PKD2L2: variants seen among roughly 807,000 people sequenced by gnomAD.
The protein encoded by PKD2L2 is polycystin 2 like 2, transient receptor potential cation channel, also known as polycystin-2-like protein 2.
In PKD2L2, 67 loss-of-function variants were observed where a neutral mutation model predicts 83.9. The observed-to-expected ratio is 0.80, with a 90% CI of 0.66 to 0.98. The LOEUF is 0.98. Among genes scored for constraint, PKD2L2 ranks in the 50% least tolerant of loss-of-function variants. The pLI, the probability that PKD2L2 is intolerant of heterozygous loss-of-function variation, is 0.00. For missense variants in PKD2L2, 632 were observed against 717.2 expected, an observed-to-expected ratio of 0.88 and a Z score of 1.36; for synonymous variants, 223 against 237.8, an observed-to-expected ratio of 0.94 and a Z score of 0.57.
intron 14 of PKD2L2, among the ~76,000 whole-genome samples, chr5:137,941,783 T>G (rs1380006499): frequency 6.6e-6 from 1 of 152,216 alleles, no homozygotes; most frequent in African/African-American, 2.4e-5. Flanking sequence ...TTCCTGGCCA[T>G]TAAAAGCAGG....
At chr5:137,922,681 T>C (rs748128839) in intron 9 of PKD2L2, among the ~76,000 whole-genome samples, 3 of 151,988 alleles carry the variant, frequency 2.0e-5, no homozygotes, top group Non-Finnish European at 4.4e-5. Context: ...GAAGCTGCAA[T>C]GAGCTGAGAT....
chr5:137,937,696 A>G (rs1173607868), intron 14 of PKD2L2, among the ~76,000 whole-genome samples: 1 of 152,208 alleles, frequency 6.6e-6, no homozygotes, highest in African/African-American at 2.4e-5. Flanking sequence ...AGTGTTCTTA[A>G]TAGGATAATT....
chr5:137,903,783 A>G (rs986486417), intron 5 of PKD2L2, among the ~76,000 whole-genome samples: 1 of 152,010 alleles, frequency 6.6e-6, no homozygotes, highest in African/African-American at 2.4e-5. Flanking sequence ...TTTGAGATGG[A>G]GTCTAGCTTG....
intron 12 of PKD2L2, among the ~76,000 whole-genome samples, chr5:137,926,200 G>A (rs1759364915): frequency 6.6e-6 from 1 of 152,166 alleles, no homozygotes; most frequent in Non-Finnish European, 1.5e-5. Flanking sequence ...GGTATTCATA[G>A]TGAGATATTT....
chr5:137,903,064 G>C (rs886822518), intron 5 of PKD2L2, among the ~76,000 whole-genome samples: 1 of 152,190 alleles, frequency 6.6e-6, no homozygotes, highest in African/African-American at 2.4e-5. Context: ...TGTGTTTACA[G>C]AGTTCAGTTG....
chr5:137,942,245 G>C (rs1387414763), intron 14 of PKD2L2, 139 bp from the exon 15 acceptor site: 6 of 581,026 alleles, frequency 1.0e-5, no homozygotes, highest in Non-Finnish European at 1.5e-5. Context: ...AGTGAAGTCA[G>C]GGCTCAGAAC....
intron 13 of PKD2L2, 42 bp from the exon 14 acceptor site, chr5:137,936,278 T>C (rs1760376561): frequency 3.3e-6 from 5 of 1,494,682 alleles, no homozygotes; most frequent in Admixed American, 2.0e-5. Context: ...TACATGAAAG[T>C]TTATTACTGA....
At position 137,941,126 on chromosome 5, in the gene PKD2L2, T is replaced by C. The variant is rs182541668; in HGVS notation, c.*18-1258T>C. On this transcript the variant is annotated intron_variant, in intron 14 of 14. Coordinates refer to ENST00000508883, the MANE Select transcript of PKD2L2 (RefSeq NM_001300921.2). ...GGTTTCACTGTGTTAGCCAGGATGG[T>C]CTTGATCTCCTGACCTCGTGATCCA... is the stretch of plus-strand genomic sequence containing the variant. 4.3e-3 allele frequency among the ~76,000 whole-genome samples: 658 copies of C among 152,178 alleles called. 6 individuals are homozygous for C. Among genetic ancestry groups the C allele is most frequent in the African/African-American group, 0.015 (631 of 41,516 alleles).
rs774715530 is a variant in PKD2L2, at chr5:137,890,482, G to A, written c.33G>A (p.Gly11=). MAEASRWHRG[G]ASKHKLHYRK... is the part of the protein sequence containing the mutation. ...AAAATTTTGTCTTATATCTCACAGG[G>A]GCTTCGAAACATAAGTTGCATTACA... Residue 11 remains glycine (G), a splice_region_variant and synonymous_variant, in exon 2 of 15, where the codon GGG becomes GGA. Coordinates refer to ENST00000508883, the MANE Select transcript of PKD2L2 (RefSeq NM_001300921.2). 1 of 1,555,422 alleles carries A rather than the reference G, an allele frequency of 6.4e-7. No individual in the cohort carries two copies. Among genetic ancestry groups the A allele is most frequent in the East Asian group, 2.3e-5 (1 of 44,062 alleles).
Position 137,889,497 on chromosome 5 carries a change from T to C in PKD2L2, c.6T>C (p.Ala2=). The change falls in exon 1 of 15, where the codon GCT becomes GCC. Residue 2 remains alanine, a synonymous_variant. Coordinates refer to ENST00000508883, the MANE Select transcript of PKD2L2 (RefSeq NM_001300921.2). The part of the protein sequence containing the change: M[A]EASRWHRGGA... ...CGGTGTAGTGCAGGTCCGCCATGGC[T>C]GAGGCGTCACGGTGGCACCGAGGCG... is the stretch of plus-strand genomic sequence containing the variant. 1 of 1,563,280 alleles carries C rather than the reference T, an allele frequency of 6.4e-7. No individual in the cohort carries two copies. The highest frequency in any genetic ancestry group is 8.6e-7 in the Non-Finnish European group (1 of 1,161,400).
chr5:137,898,012 A>C (rs1158043802), intron 4 of PKD2L2, among the ~76,000 whole-genome samples: 2 of 151,536 alleles, frequency 1.3e-5, no homozygotes, highest in Non-Finnish European at 2.9e-5. Context: ...TGTCACCCAG[A>C]CTGGAGTGCA....
chr5:137,931,780 A>G (rs1318612410), intron 12 of PKD2L2, among the ~76,000 whole-genome samples: 1 of 152,244 alleles, frequency 6.6e-6, no homozygotes, highest in Non-Finnish European at 1.5e-5. Context: ...CAATTAGATA[A>G]GAGAACTACA....
intron 14 of PKD2L2, among the ~76,000 whole-genome samples, chr5:137,936,923 T>C (rs578050885): frequency 6.6e-6 from 1 of 152,216 alleles, no homozygotes; most frequent in Admixed American, 6.5e-5. Flanking sequence ...GCCTCCAGTA[T>C]ACACACACTG....
chr5:137,907,003 A>G (rs1757424724), intron 6 of PKD2L2, among the ~76,000 whole-genome samples: 1 of 152,204 alleles, frequency 6.6e-6, no homozygotes, highest in African/African-American at 2.4e-5. Context: ...ACAGAGATTT[A>G]GGCAGGCCGA....
At chr5:137,915,579 T>C (rs1456069536) in intron 8 of PKD2L2, among the ~76,000 whole-genome samples, 42 of 146,280 alleles carry the variant, frequency 2.9e-4, no homozygotes, top group Non-Finnish European at 6.1e-5. Flanking sequence ...TGCGCCACCA[T>C]GCCCGGCTAA....
intron 12 of PKD2L2, among the ~76,000 whole-genome samples, chr5:137,931,273 C>T (rs1409265966): frequency 1.3e-5 from 2 of 152,080 alleles, no homozygotes; most frequent in African/African-American, 4.8e-5. Context: ...TTTTAAGGAG[C>T]AAACAGTTTC....
chr5:137,911,234 G>A (rs1757809473), intron 8 of PKD2L2, among the ~76,000 whole-genome samples: 1 of 152,082 alleles, frequency 6.6e-6, no homozygotes, highest in African/African-American at 2.4e-5. Flanking sequence ...GTCTTTTTGT[G>A]ACTGGATTAC....
chr5:137,894,417 ATAATT>A lies in PKD2L2; in HGVS notation c.336_340del (p.Asn112LysfsTer9), dbSNP rs1481776013. The A allele has an allele frequency of 3.1e-6, 5 of 1,612,294 alleles. No individual in the cohort carries two copies. In the African/African-American group the frequency reaches 6.7e-5, roughly 22 times the overall value. Reference sequence around the variant, plus strand: ...TCATGGTACAATAACCAGCAGCTGTATAATTTAAAGAACAGCAGTCGCATCTACTA... The same window carrying A: ...TCATGGTACAATAACCAGCAGCTGTATAAAGAACAGCAGTCGCATCTACTA... On this transcript the variant is annotated frameshift_variant, in exon 4 of 15. Transcript: ENST00000508883. LOFTEE classifies it high-confidence loss of function.
intron 5 of PKD2L2, among the ~76,000 whole-genome samples, chr5:137,902,932 A>AGGAG (rs1757084002): frequency 6.6e-6 from 1 of 152,226 alleles, no homozygotes; most frequent in Non-Finnish European, 1.5e-5. Flanking sequence ...TTTTGGTTAC[A>AGGAG]ACCAAAAGTC....
Sources: allele counts gnomAD v4.1 joint callset (sites outside exome capture counted in the v4.1 genomes callset), GRCh38; gene constraint gnomAD v4.1.1; transcripts MANE v1.5; gene names NCBI Gene and HGNC (gene_info 2026-07-23, HGNC 2026-07-21).